Variants in SLC4A8 observed in about 807,000 individuals in gnomAD.
The protein encoded by SLC4A8 is solute carrier family 4 member 8.
A neutral mutation model predicts 125.0 loss-of-function variants in SLC4A8; 40 were observed. The observed-to-expected ratio is 0.32, with a 90% CI of 0.25 to 0.42. The LOEUF (loss-of-function observed/expected upper bound fraction) is 0.42, where lower values mean the gene tolerates loss of function less well. Ranked by LOEUF, SLC4A8 falls within the 10% of genes least tolerant of loss-of-function variation. The probability of loss-of-function intolerance (pLI) is 1.00; values close to 1 mark genes in which losing one functional copy is unlikely to be tolerated. For missense variants in SLC4A8, 863 were observed against 1,355.1 expected (o/e 0.64, Z 5.70); for synonymous variants, 456 against 476.0 (o/e 0.96, Z 0.55).
Position 51,453,646 on chromosome 12 carries a change from T to C in SLC4A8, c.521T>C (p.Ile174Thr), listed in dbSNP as rs150330993. Residue 174 changes from isoleucine (I) to threonine (T), a missense_variant, in exon 5 of 25, where the codon ATT becomes ACT. By Grantham distance (89) the Ile-to-Thr change is moderately conservative. Coordinates refer to ENST00000453097, the MANE Select transcript of SLC4A8 (RefSeq NM_001039960.3). ...HSLFELRSCL[I>T]NGTVLLDMHA... Reference sequence around the variant, plus strand: ...CTGTTTGAGCTAAGGAGCTGCCTTATTAATGGAACAGTCCTCCTGGATATG... The same window carrying C: ...CTGTTTGAGCTAAGGAGCTGCCTTACTAATGGAACAGTCCTCCTGGATATG... The C allele has an allele frequency of 4.9e-5, 79 of 1,614,106 alleles. No individual in the cohort carries two copies. Among genetic ancestry groups the C allele is most frequent in the Non-Finnish European group, 6.2e-5 (73 of 1,180,032 alleles).
chr12:51,457,863 A>T (rs1302721121), intron 6 of SLC4A8, among the ~76,000 whole-genome samples: 1 of 152,104 alleles, frequency 6.6e-6, no homozygotes, highest in Non-Finnish European at 1.5e-5. Context: ...GCTTTTTAGG[A>T]GCAAACAAAT....
rs1180729466 is a variant in SLC4A8 at position 51,411,065 on chromosome 12, T to A, written c.-112+19577T>A. Among the ~76,000 whole-genome samples, 360 of 134,484 alleles carry A rather than the reference T, an allele frequency of 2.7e-3. 1 individual carries two copies. The highest frequency in any genetic ancestry group is 4.7e-3 in the Non-Finnish European group (291 of 61,680). The allele number at this position is 134,484 out of a possible 152,430, so 88.2% of individuals were successfully genotyped here. On this transcript the variant is annotated intron_variant, in intron 1 of 24. Coordinates refer to the SLC4A8 transcript ENST00000358657. ...AATCTGTTTTTTTTTTTTTTTTTTT[T>A]AAATACAGAATTACCTGTTGAGATT...
intron 1 of SLC4A8, among the ~76,000 whole-genome samples, chr12:51,426,946 T>C (rs1398588946): frequency 6.7e-6 from 1 of 148,956 alleles, no homozygotes; most frequent in African/African-American, 2.5e-5. Context: ...CTTTTCTTTT[T>C]TTTTTTTTTT....
At chr12:51,404,091 T>A (rs1404414317) in intron 1 of SLC4A8, among the ~76,000 whole-genome samples, 1 of 152,172 alleles carries the variant, frequency 6.6e-6, no homozygotes. Context: ...GAGCAAATCA[T>A]AAGACTCTTC....
chr12:51,484,730 C>T (rs766786901), intron 16 of SLC4A8, among the ~76,000 whole-genome samples: 17 of 152,086 alleles, frequency 1.1e-4, no homozygotes, highest in African/African-American at 2.2e-4. Flanking sequence ...TAAAGCCACA[C>T]TATAAAGTGA....
chr12:51,434,700 T>A (rs1196148647), intron 1 of SLC4A8, among the ~76,000 whole-genome samples: 1 of 152,114 alleles, frequency 6.6e-6, no homozygotes, highest in East Asian at 1.9e-4. Flanking sequence ...CCTCCCTCCC[T>A]CTGTTTCTCT....
chr12:51,411,830 A>G (rs957794944), intron 1 of SLC4A8, among the ~76,000 whole-genome samples: 4 of 152,088 alleles, frequency 2.6e-5, no homozygotes, highest in Non-Finnish European at 5.9e-5. Context: ...CATTCCTGTA[A>G]TCTCAGAGCT....
In SLC4A8 at chr12:51,400,761, TA is replaced by T; in HGVS notation, c.-112+9274del. On this transcript the variant is annotated intron_variant, in intron 1 of 24. Transcript: ENST00000358657. ...ATATATATATATATATATATATATA[TA>T]TATATATATATATATACATACATAC... Among the ~76,000 whole-genome samples the T allele has an allele frequency of 2.4e-4, 2 of 8,176 alleles. 1 individual carries two copies. The highest frequency in any genetic ancestry group is 8.4e-3 in the South Asian group (2 of 238). The allele number at this position is 8,176 out of a possible 152,430, so 5.4% of individuals were successfully genotyped here. A position where few individuals can be genotyped will look rare whatever the true frequency, so the allele number is the denominator to read the frequency against.
In SLC4A8 at chr12:51,459,810, T is replaced by A. The variant is rs2138233591; in HGVS notation, c.856-141T>A. 5 of 676,054 alleles carry A rather than the reference T, an allele frequency of 7.4e-6. No individual in the cohort carries two copies. In the South Asian group the frequency reaches 7.8e-5, roughly 11 times the overall value. The allele number at this position is 676,054 out of a possible 1,614,324, so 41.9% of individuals were successfully genotyped here. On this transcript the variant is annotated intron_variant, in intron 7 of 24. Transcript: ENST00000453097. The stretch of plus-strand genomic sequence containing the variant: ...TTGCTTGAACCTGGCAGCAGAGAGC[T>A]GTGAGCTGAGATTGCGCCACTGCAC...
Position 51,513,595 on chromosome 12 carries a change from TA to T in SLC4A8, c.*6158del, listed in dbSNP as rs1261905102. On this transcript the variant is annotated 3_prime_UTR_variant, in exon 25 of 25. Transcript: ENST00000453097. The stretch of plus-strand genomic sequence containing the variant: ...TCAGCCTCCTGAGTAGCTGGGACTA[TA>T]GGCGCGCACCACCATGCCCAGCTAA... 1 of 152,272 alleles carries T rather than the reference TA, an allele frequency of 6.6e-6. No individual in the cohort carries two copies. The highest frequency in any genetic ancestry group is 2.4e-5 in the African/African-American group (1 of 41,432). 9.4% of individuals were successfully genotyped at this position (152,272 alleles called of 1,614,324 possible).
intron 16 of SLC4A8, among the ~76,000 whole-genome samples, chr12:51,477,520 C>T (rs988638242): frequency 6.6e-6 from 1 of 152,202 alleles, no homozygotes; most frequent in African/African-American, 2.4e-5. Flanking sequence ...ATGCCCACAG[C>T]AGCATTATAT....
intron 4 of SLC4A8, 105 bp from the exon 5 acceptor site, chr12:51,453,434 A>T: frequency 8.6e-7 from 1 of 1,162,466 alleles, no homozygotes; most frequent in Non-Finnish European, 1.2e-6. Context: ...TACAATGTTC[A>T]GTATGACTAT....
intron 16 of SLC4A8, among the ~76,000 whole-genome samples, chr12:51,477,941 G>A (rs1217354550): frequency 6.6e-6 from 1 of 152,142 alleles, no homozygotes; most frequent in Non-Finnish European, 1.5e-5. Flanking sequence ...GACCAGCCTG[G>A]CTAACATGGC....
At chr12:51,450,716 T>A in intron 2 of SLC4A8, 160 bp from the exon 3 acceptor site, 1 of 726,884 alleles carries the variant, frequency 1.4e-6, no homozygotes, top group Non-Finnish European at 2.3e-6. Context: ...AAAATCTCTA[T>A]ATCTTTACTC....
chr12:51,447,056 G>A (rs10624842), intron 2 of SLC4A8, among the ~76,000 whole-genome samples: 1,542 of 147,388 alleles, frequency 0.01, 12 homozygotes, highest in African/African-American at 0.024. Context: ...CTGTCTGTCT[G>A]TCTATCTATC....
chr12:51,495,095 G>T lies in SLC4A8; in HGVS notation c.2920G>T (p.Ala974Ser). 6.2e-7 allele frequency: 1 copy of T among 1,611,346 alleles called. No homozygotes were observed. Among genetic ancestry groups the T allele is most frequent in the East Asian group, 2.2e-5 (1 of 44,876 alleles). The change falls in exon 21 of 25, where the codon GCT becomes TCT. Residue 974 changes from alanine (A) to serine (S), a missense_variant. Around this residue, in one of 6 missense-constraint regions of SLC4A8, gnomAD observed 4 missense variants for 20.9 expected, o/e 0.19. Coordinates refer to ENST00000453097, the MANE Select transcript of SLC4A8 (RefSeq NM_001039960.3). Reference protein sequence around the residue: ...VLLWVIKASPAAIVFPMMVLA... With the variant: ...VLLWVIKASPSAIVFPMMVLA... ...GCTCTGGGTCATCAAGGCATCTCCA[G>T]CTGCCATTGTTTTCCCAATGATGGT...
At chr12:51,461,466 G>A in intron 9 of SLC4A8, 175 bp downstream of exon 9, 1 of 477,868 alleles carries the variant, frequency 2.1e-6, no homozygotes, top group Non-Finnish European at 3.7e-6. Flanking sequence ...AGCTCTAGAG[G>A]ATTTTTCTTC....
intron 16 of SLC4A8, among the ~76,000 whole-genome samples, chr12:51,481,053 T>G (rs985949559): frequency 1.3e-5 from 2 of 152,210 alleles, no homozygotes; most frequent in East Asian, 3.8e-4. Flanking sequence ...CTAGATGAGC[T>G]CAGAAGTCCC....
intron 16 of SLC4A8, chr12:51,480,055 C>T (rs752453469): frequency 1.6e-5 from 6 of 363,958 alleles, no homozygotes; most frequent in South Asian, 6.1e-5. Flanking sequence ...CTGCAACCTC[C>T]GCCTCCTCCC....
Sources: gnomAD v4.1 joint callset for allele counts (sites outside exome capture counted in the v4.1 genomes callset) on GRCh38, gnomAD v4.1.1 for gene constraint, gnomAD v4.1.1 regional missense constraint, MANE v1.5 for transcripts, NCBI Gene and HGNC (gene_info 2026-07-23, HGNC 2026-07-21) for gene names.